The following SUPT3H variants were observed in gnomAD, a reference collection of about 807,000 sequenced individuals.
The protein encoded by SUPT3H is transcription initiation protein SPT3 homolog.
In SUPT3H, 44 loss-of-function variants were observed where a neutral mutation model predicts 44.3. The ratio of observed to expected loss-of-function variants is 0.99; its 90% CI spans 0.78 to 1.28. The LOEUF is 1.28. Ranked by LOEUF, SUPT3H falls within the 50% of genes most tolerant of loss-of-function variation. SUPT3H has a pLI of 0.00. For missense variants in SUPT3H, 380 were observed against 387.1 expected, an observed-to-expected ratio of 0.98 and a Z score of 0.15; for synonymous variants, 124 against 125.6, an observed-to-expected ratio of 0.99 and a Z score of 0.09.
chr6:45,328,502 C>T (rs1270618712), intron 2 of SUPT3H: 1 of 1,530,498 alleles, frequency 6.5e-7, no homozygotes, highest in African/African-American at 1.4e-5. Context: ...AATAGTAGGT[C>T]CTTCAAATAT....
chr6:45,150,462 G>A (rs1258568167), intron 2 of SUPT3H, among the ~76,000 whole-genome samples: 2 of 152,120 alleles, frequency 1.3e-5, no homozygotes, highest in East Asian at 1.9e-4. Context: ...CTAAAACACA[G>A]CTGAGTAGAG....
At chr6:45,012,827 T>C (rs1783692318) in intron 5 of SUPT3H, among the ~76,000 whole-genome samples, 1 of 152,154 alleles carries the variant, frequency 6.6e-6, no homozygotes. Flanking sequence ...TGTCATTGTT[T>C]ATTTCATGAC....
At chr6:45,110,581 A>G (rs1220780416) in intron 2 of SUPT3H, among the ~76,000 whole-genome samples, 6 of 147,706 alleles carry the variant, frequency 4.1e-5, no homozygotes, top group Admixed American at 4.0e-4. Flanking sequence ...AAAAAAAAAA[A>G]GGAGAAAGAT....
chr6:45,229,281 T>C (rs1053502773), intron 2 of SUPT3H, among the ~76,000 whole-genome samples: 2 of 152,128 alleles, frequency 1.3e-5, no homozygotes, highest in African/African-American at 4.8e-5. Flanking sequence ...TGGGACTCAT[T>C]GTATCACAGC....
At chr6:45,002,606 T>G (rs1358187862) in intron 6 of SUPT3H, among the ~76,000 whole-genome samples, 2 of 152,104 alleles carry the variant, frequency 1.3e-5, no homozygotes, top group African/African-American at 4.8e-5. Flanking sequence ...ATCATCTGCT[T>G]TGGACAACTT....
chr6:45,065,076 C>A (rs1356358116), intron 3 of SUPT3H, among the ~76,000 whole-genome samples: 2 of 150,504 alleles, frequency 1.3e-5, no homozygotes, highest in Non-Finnish European at 3.0e-5. Flanking sequence ...CTCTCCTCAG[C>A]AAATGTAAAA....
intron 2 of SUPT3H, among the ~76,000 whole-genome samples, chr6:45,243,227 A>G (rs1028550906): frequency 6.8e-6 from 1 of 146,900 alleles, no homozygotes; most frequent in African/African-American, 2.5e-5. Context: ...AAAAGCTACT[A>G]TGTATTATAT....
At chr6:45,229,050 C>T (rs1767469614) in intron 2 of SUPT3H, among the ~76,000 whole-genome samples, 1 of 152,114 alleles carries the variant, frequency 6.6e-6, no homozygotes, top group Non-Finnish European at 1.5e-5. Flanking sequence ...AATTAACAAG[C>T]ACTCCAAAAT....
At chr6:44,846,946 T>A (rs1275407664) in intron 10 of SUPT3H, among the ~76,000 whole-genome samples, 1 of 152,208 alleles carries the variant, frequency 6.6e-6, no homozygotes, top group African/African-American at 2.4e-5. Context: ...GAAAAGTTTT[T>A]TGAAGACTAA....
chr6:44,893,683 T>C (rs36167200), intron 10 of SUPT3H, among the ~76,000 whole-genome samples: 270 of 150,308 alleles, frequency 1.8e-3, no homozygotes, highest in African/African-American at 6.1e-3. Context: ...AATAAACATA[T>C]GTGTGCATGT....
intron 2 of SUPT3H, among the ~76,000 whole-genome samples, chr6:45,363,866 T>A (rs1455279090): frequency 6.6e-6 from 1 of 151,818 alleles, no homozygotes; most frequent in African/African-American, 2.4e-5. Context: ...ATATAACAGG[T>A]TTACTACTTT....
intron 3 of SUPT3H, among the ~76,000 whole-genome samples, chr6:45,042,541 G>A (rs188979725): frequency 6.6e-6 from 1 of 152,254 alleles, no homozygotes; most frequent in East Asian, 1.9e-4. Flanking sequence ...GGTATCATAA[G>A]GGAAAATTAG....
intron 2 of SUPT3H, among the ~76,000 whole-genome samples, chr6:45,122,831 T>C (rs1801865035): frequency 6.6e-6 from 1 of 152,168 alleles, no homozygotes; most frequent in African/African-American, 2.4e-5. Context: ...AGAATAATCA[T>C]CCACAAATTG....
intron 2 of SUPT3H, among the ~76,000 whole-genome samples, chr6:45,174,477 T>C (rs1337182841): frequency 6.6e-6 from 1 of 152,188 alleles, no homozygotes; most frequent in Non-Finnish European, 1.5e-5. Context: ...AAATCTAAGA[T>C]ACAGACCATG....
intron 3 of SUPT3H, among the ~76,000 whole-genome samples, chr6:45,062,597 G>A (rs7764102): frequency 0.36 from 54,600 of 152,086 alleles, 10,564 homozygotes; most frequent in Non-Finnish European, 0.43. Flanking sequence ...CAGGCCAGTG[G>A]GTGCGCGCAC....
chr6:45,355,501 T>C (rs1478583792), intron 2 of SUPT3H, among the ~76,000 whole-genome samples: 2 of 152,040 alleles, frequency 1.3e-5, no homozygotes, highest in African/African-American at 4.8e-5. Context: ...AATCCACCAA[T>C]ACAGAAAGAA....
chr6:44,880,692 C>T (rs1778080870), intron 10 of SUPT3H, among the ~76,000 whole-genome samples: 1 of 152,102 alleles, frequency 6.6e-6, no homozygotes. Context: ...GAAAGGGTTA[C>T]CGACAAAGGG....
In SUPT3H at chr6:44,953,401, A is replaced by AT; in HGVS notation, c.709_710insA (p.Leu237HisfsTer31). ...GGTTACCATGTCTTGCCTCACAAGA[A>AT]GAGCCAGATCCACTAACTAGAAGAC... On this transcript the variant is annotated frameshift_variant, in exon 9 of 11. Transcript: ENST00000371459. LOFTEE classifies it high-confidence loss of function. 6.2e-7 allele frequency: 1 copy of AT among 1,614,102 alleles called. No individual in the cohort carries two copies. The highest frequency in any genetic ancestry group is 8.5e-7 in the Non-Finnish European group (1 of 1,179,944).
At chr6:45,374,768 C>T (rs937313641) in intron 1 of SUPT3H, among the ~76,000 whole-genome samples, 1 of 152,130 alleles carries the variant, frequency 6.6e-6, no homozygotes, top group African/African-American at 2.4e-5. Context: ...CCAGAGGGAA[C>T]CAAAACTCAA....
Sources: allele counts gnomAD v4.1 joint callset (sites outside exome capture counted in the v4.1 genomes callset), GRCh38; gene constraint gnomAD v4.1.1; transcripts MANE v1.5; gene names NCBI Gene and HGNC (gene_info 2026-07-23, HGNC 2026-07-21).